The following TGFBR3 variants were observed in gnomAD, a reference collection of about 807,000 sequenced individuals.
The protein encoded by TGFBR3 is transforming growth factor beta receptor 3.
Under a neutral mutation model 87.9 loss-of-function variants are expected in TGFBR3, and 46 were observed. The ratio of observed to expected loss-of-function variants is 0.52; its 90% CI spans 0.41 to 0.67. The LOEUF (loss-of-function observed/expected upper bound fraction) is 0.67, where lower values mean the gene tolerates loss of function less well. Ranked by LOEUF, TGFBR3 falls within the 30% of genes least tolerant of loss-of-function variation. TGFBR3 has a pLI of 0.00. For missense variants in TGFBR3, 866 were observed against 1,041.9 expected, an observed-to-expected ratio of 0.83 and a Z score of 2.32; for synonymous variants, 381 against 391.6, an observed-to-expected ratio of 0.97 and a Z score of 0.32.
intron 1 of TGFBR3, among the ~76,000 whole-genome samples, chr1:91,875,797 T>G (rs2391073): frequency 0.28 from 997 of 3,514 alleles, 9 homozygotes; most frequent in Non-Finnish European, 0.39. Flanking sequence ...GGGGGGGGGG[T>G]GGGAGTGTGC....
chr1:91,808,264 T>TA (rs1227435234), intron 2 of TGFBR3, among the ~76,000 whole-genome samples: 1 of 152,162 alleles, frequency 6.6e-6, no homozygotes, highest in South Asian at 2.1e-4. Context: ...CCCATCTCTT[T>TA]AAAAAAATTT....
chr1:91,855,686 G>T (rs1035562623), intron 2 of TGFBR3, among the ~76,000 whole-genome samples: 2 of 152,118 alleles, frequency 1.3e-5, no homozygotes, highest in African/African-American at 4.8e-5. Context: ...CTGGAAAGCA[G>T]ATATTTTCAA....
intron 1 of TGFBR3, among the ~76,000 whole-genome samples, chr1:91,904,563 A>ATTT (rs111512659): frequency 8.7e-5 from 10 of 115,108 alleles, no homozygotes; most frequent in Non-Finnish European, 1.2e-4. Flanking sequence ...CATGCAGCTG[A>ATTT]TTTTTTTTTT....
At chr1:91,758,482 T>A in intron 4 of TGFBR3, 131 bp downstream of exon 4, 1 of 1,137,990 alleles carries the variant, frequency 8.8e-7, no homozygotes, top group Non-Finnish European at 1.3e-6. Context: ...AAGTGCATCC[T>A]CCAAATTTAA....
At chr1:91,892,652 T>C (rs1261669364) in intron 2 of TGFBR3, among the ~76,000 whole-genome samples, 1 of 152,170 alleles carries the variant, frequency 6.6e-6, no homozygotes, top group Non-Finnish European at 1.5e-5. Flanking sequence ...CCTTGAACAT[T>C]GAACAGAAAT....
At chr1:91,901,632 A>C in intron 1 of TGFBR3, among the ~76,000 whole-genome samples, 1 of 152,144 alleles carries the variant, frequency 6.6e-6, no homozygotes, top group South Asian at 2.1e-4. Flanking sequence ...CATTAGAATA[A>C]ACGTTGTGGG....
intron 7 of TGFBR3, among the ~76,000 whole-genome samples, chr1:91,725,826 T>G (rs560280495): frequency 6.6e-6 from 1 of 152,316 alleles, no homozygotes; most frequent in African/African-American, 2.4e-5. Context: ...CTATGCTGTC[T>G]CTAAAGGAAA....
At chr1:91,816,503 T>C (rs1465197497) in intron 2 of TGFBR3, among the ~76,000 whole-genome samples, 1 of 152,224 alleles carries the variant, frequency 6.6e-6, no homozygotes, top group Non-Finnish European at 1.5e-5. Context: ...TTATTTTGTA[T>C]CTATGGTACA....
In TGFBR3 at chr1:91,716,589, G is replaced by C; in HGVS notation, c.1686C>G (p.Phe562Leu). Residue 562 changes from phenylalanine to leucine, a missense_variant, in exon 11 of 17, where the codon TTC (phenylalanine) becomes TTG (leucine). Transcript: ENST00000212355. ...GDMDEGDASL[F>L]TRPEIVVFNC... ...ATACCACCACGATTTCAGGTCGGGT[G>C]AACAGGGAAGCATCTCCTTCATCCA... The C allele has an allele frequency of 1.2e-6, 2 of 1,614,070 alleles. No homozygotes were observed. The highest frequency in any genetic ancestry group is 1.7e-6 in the Non-Finnish European group (2 of 1,180,022).
chr1:91,825,052 ATTC>A (rs1402703406), intron 2 of TGFBR3, among the ~76,000 whole-genome samples: 4 of 152,246 alleles, frequency 2.6e-5, no homozygotes, highest in Non-Finnish European at 5.9e-5. Flanking sequence ...TGACCCAGCG[ATTC>A]TACTCTCAGA....
intron 16 of TGFBR3, among the ~76,000 whole-genome samples, chr1:91,691,985 G>C (rs973437455): frequency 6.6e-6 from 1 of 151,924 alleles, no homozygotes; most frequent in Non-Finnish European, 1.5e-5. Flanking sequence ...GTGACAGAGC[G>C]AGACTCCGTC....
intron 2 of TGFBR3, among the ~76,000 whole-genome samples, chr1:91,827,226 T>C (rs1414285387): frequency 2.0e-5 from 3 of 152,096 alleles, no homozygotes; most frequent in Non-Finnish European, 4.4e-5. Context: ...TTAAGCGCTG[T>C]AGCAACGATC....
Position 91,716,303 on chromosome 1 carries a change from G to C in TGFBR3, c.1799C>G (p.Thr600Ser). The C allele has an allele frequency of 6.2e-7, 1 of 1,614,158 alleles. No homozygotes were observed. Among genetic ancestry groups the C allele is most frequent in the Non-Finnish European group, 8.5e-7 (1 of 1,180,026 alleles). The change falls in exon 12 of 17, where the codon ACT becomes AGT. Residue 600 changes from threonine to serine, a missense_variant. Thr to Ser is a moderately conservative substitution (Grantham distance 58, BLOSUM62 1). Coordinates refer to ENST00000212355, the MANE Select transcript of TGFBR3 (RefSeq NM_003243.5). ...CTGGGAGGGCACCAAAAAGAGGTCA[G>C]TGTTGTATAGCTCCATGTTGAAGGT... ...NITFNMELYNTDLFLVPSQGV... is the reference protein window; with the variant it reads ...NITFNMELYNSDLFLVPSQGV...
chr1:91,892,480 C>T (rs892524676), intron 2 of TGFBR3, among the ~76,000 whole-genome samples: 13 of 152,216 alleles, frequency 8.5e-5, no homozygotes, highest in African/African-American at 3.1e-4. Flanking sequence ...ACAAGGGGCA[C>T]CCGGAACATA....
chr1:91,775,077 T>C (rs1045081719), intron 3 of TGFBR3, among the ~76,000 whole-genome samples: 5 of 152,202 alleles, frequency 3.3e-5, no homozygotes, highest in African/African-American at 9.6e-5. Context: ...GGTTATGGCA[T>C]GGTTGGGACT....
intron 2 of TGFBR3, among the ~76,000 whole-genome samples, chr1:91,860,660 T>C (rs1246287152): frequency 6.6e-6 from 1 of 152,090 alleles, no homozygotes; most frequent in Non-Finnish European, 1.5e-5. Context: ...ATTTCTCTAC[T>C]TTTTAAAAAG....
At chr1:91,807,467 A>G (rs1675877360) in intron 2 of TGFBR3, among the ~76,000 whole-genome samples, 1 of 152,224 alleles carries the variant, frequency 6.6e-6, no homozygotes. Flanking sequence ...GCCAGTGCAT[A>G]TTTGTGTATT....
intron 3 of TGFBR3, among the ~76,000 whole-genome samples, chr1:91,773,617 G>T (rs777638539): frequency 8.5e-5 from 13 of 152,228 alleles, no homozygotes; most frequent in Non-Finnish European, 1.6e-4. Context: ...AGGAGGCAGA[G>T]GTTGCGGTGA....
chr1:91,778,308 T>C (rs1328629167), intron 3 of TGFBR3, among the ~76,000 whole-genome samples: 1 of 152,180 alleles, frequency 6.6e-6, no homozygotes, highest in Non-Finnish European at 1.5e-5. Context: ...TTGACTCTAA[T>C]TCTCAATTGG....
Sources: gnomAD v4.1 joint callset for allele counts (sites outside exome capture counted in the v4.1 genomes callset) on GRCh38, gnomAD v4.1.1 for gene constraint, MANE v1.5 for transcripts, NCBI Gene and HGNC (gene_info 2026-07-23, HGNC 2026-07-21) for gene names.